The following EPC1 variants were observed in gnomAD, a reference collection of about 807,000 sequenced individuals.
EPC1 encodes the protein enhancer of polycomb 1, also known as enhancer of polycomb homolog 1.
EPC1 carries 12 observed loss-of-function variants against 98.4 expected under a neutral mutation model. The observed-to-expected ratio is 0.12, with a 90% CI of 0.08 to 0.20. The LOEUF is 0.20. Ranked by LOEUF, EPC1 falls within the 10% of genes least tolerant of loss-of-function variation. EPC1 has a pLI of 1.00. For synonymous variants in EPC1, 357 were observed against 363.9 expected, an observed-to-expected ratio of 0.98 and a Z score of 0.21; for missense variants, 729 against 990.5, an observed-to-expected ratio of 0.74 and a Z score of 3.54.
At chr10:32,368,783 T>G (rs1414788132) in intron 1 of EPC1, among the ~76,000 whole-genome samples, 1 of 152,202 alleles carries the variant, frequency 6.6e-6, no homozygotes, top group African/African-American at 2.4e-5. Context: ...ATCTCTGAAA[T>G]CAGGTTTGTC....
intron 6 of EPC1, among the ~76,000 whole-genome samples, chr10:32,289,300 C>T (rs1399888491): frequency 6.6e-6 from 1 of 151,490 alleles, no homozygotes; most frequent in African/African-American, 2.4e-5. Flanking sequence ...CCCTCCCACC[C>T]TCCCCTACGT....
At chr10:32,319,074 C>T (rs1378916922) in intron 1 of EPC1, among the ~76,000 whole-genome samples, 3 of 152,198 alleles carry the variant, frequency 2.0e-5, no homozygotes, top group Non-Finnish European at 4.4e-5. Context: ...TGTTCCCTGC[C>T]TCTAACTCCA....
intron 1 of EPC1, among the ~76,000 whole-genome samples, chr10:32,360,846 A>T (rs985107731): frequency 6.6e-6 from 1 of 151,630 alleles, no homozygotes; most frequent in African/African-American, 2.4e-5. Flanking sequence ...GTGAGCCGAG[A>T]TCGCGCCACT....
At chr10:32,334,962 T>C (rs1405579336) in intron 1 of EPC1, among the ~76,000 whole-genome samples, 1 of 152,180 alleles carries the variant, frequency 6.6e-6, no homozygotes, top group Non-Finnish European at 1.5e-5. Flanking sequence ...AAGGTCCATT[T>C]TCTGAGCCCT....
At chr10:32,325,908 A>AGT (rs1393476980) in intron 1 of EPC1, among the ~76,000 whole-genome samples, 2 of 152,194 alleles carry the variant, frequency 1.3e-5, no homozygotes, top group African/African-American at 2.4e-5. Flanking sequence ...TATCAACTAC[A>AGT]GTATGCCTTC....
chr10:32,345,083 A>AATAAAAAT, intron 1 of EPC1: 1 of 913,770 alleles, frequency 1.1e-6, no homozygotes, highest in Non-Finnish European at 1.3e-6. Flanking sequence ...AAAACTTAGA[A>AATAAAAAT]ATAAAAATAA....
intron 10 of EPC1, among the ~76,000 whole-genome samples, chr10:32,276,815 T>A (rs1424729535): frequency 6.6e-6 from 1 of 152,224 alleles, no homozygotes; most frequent in East Asian, 1.9e-4. Context: ...GATTGAGATA[T>A]CAAGGTAGAA....
At chr10:32,345,650 T>C (rs925999086) in intron 1 of EPC1, 1 of 985,208 alleles carries the variant, frequency 1.0e-6, no homozygotes, top group Non-Finnish European at 1.2e-6. Flanking sequence ...GAAGATTCTA[T>C]TATCCTGGTG....
rs182406707 is a variant in EPC1, at chr10:32,364,695, T to A, written c.3+13796A>T. ...GGGAATACATGAAATTTTTTAAATG[T>A]AAAAAGCCAAGAAAAGATAATTTAC... On this transcript the variant is annotated intron_variant, in intron 1 of 13. Coordinates refer to the EPC1 transcript ENST00000375110. 8.1e-3 allele frequency among the ~76,000 whole-genome samples: 1,229 copies of A among 152,288 alleles called. 14 individuals are homozygous for A. Among genetic ancestry groups the A allele is most frequent in the African/African-American group, 0.028 (1,177 of 41,566 alleles).
intron 2 of EPC1, among the ~76,000 whole-genome samples, chr10:32,299,391 G>A (rs1000801727): frequency 6.6e-6 from 1 of 152,036 alleles, no homozygotes; most frequent in African/African-American, 2.4e-5. Flanking sequence ...TTACCATGTT[G>A]GCCGGGCTGG....
Position 32,289,785 on chromosome 10 carries a change from G to A in EPC1, c.975+1378C>T, listed in dbSNP as rs138385407. Among the ~76,000 whole-genome samples, 555 of 151,930 alleles carry A rather than the reference G, an allele frequency of 3.7e-3. 5 individuals carry two copies. Among genetic ancestry groups the A allele is most frequent in the African/African-American group, 0.013 (526 of 41,410 alleles). On this transcript the variant is annotated intron_variant, in intron 6 of 13. Transcript: ENST00000319778. ...ACTACAGGCGCCCACCAGCACGCCC[G>A]GCTATTTTTTTTGTATTTTTAGTAG...
chr10:32,355,625 T>G (rs1169108613), intron 1 of EPC1, among the ~76,000 whole-genome samples: 1 of 105,318 alleles, frequency 9.5e-6, no homozygotes, highest in Non-Finnish European at 2.1e-5. Flanking sequence ...TTTTTTTTTT[T>G]TTTTTTTTTT....
intron 13 of EPC1, among the ~76,000 whole-genome samples, chr10:32,270,108 T>G (rs1034497353): frequency 2.0e-5 from 3 of 152,162 alleles, no homozygotes; most frequent in African/African-American, 7.2e-5. Flanking sequence ...CCAGAAATGC[T>G]TTTTCTTTCT....
At chr10:32,302,663 A>AAAT (rs1235331726) in intron 2 of EPC1, among the ~76,000 whole-genome samples, 2 of 151,182 alleles carry the variant, frequency 1.3e-5, no homozygotes, top group Admixed American at 1.3e-4. Flanking sequence ...AAAAAAAAAA[A>AAAT]AGGAGGGTGG....
intron 2 of EPC1, among the ~76,000 whole-genome samples, chr10:32,295,707 C>A (rs1265856420): frequency 6.6e-6 from 1 of 152,142 alleles, no homozygotes; most frequent in Non-Finnish European, 1.5e-5. Context: ...CCATGTGCGG[C>A]TAACTGAATT....
At position 32,305,756 on chromosome 10, in the gene EPC1, G is replaced by A. The variant is rs1345296343; in HGVS notation, c.313+16C>T. ...GAAATATAGAAAATACAATCATTAA[G>A]AGAATCATTACTTACGCTGTATGTG... On this transcript the variant is annotated intron_variant, in intron 2 of 13. Transcript: ENST00000319778. 2 of 1,564,280 alleles carry A rather than the reference G, an allele frequency of 1.3e-6. No individual in the cohort carries two copies. Among genetic ancestry groups the A allele is most frequent in the Non-Finnish European group, 1.7e-6 (2 of 1,160,206 alleles).
intron 13 of EPC1, 149 bp downstream of exon 13, chr10:32,271,405 G>GAATA (rs1835837213): frequency 1.1e-6 from 1 of 917,264 alleles, no homozygotes; most frequent in Non-Finnish European, 1.6e-6. Context: ...TTTAGTTCTT[G>GAATA]AATAAATAAG....
chr10:32,307,000 T>C (rs1400455710), intron 1 of EPC1, among the ~76,000 whole-genome samples: 1 of 152,198 alleles, frequency 6.6e-6, no homozygotes, highest in African/African-American at 2.4e-5. Context: ...TACAAATGTG[T>C]ACATATTTAA....
chr10:32,347,069 G>T lies in EPC1; in HGVS notation c.-154C>A, dbSNP rs1838889604. 5.5e-6 allele frequency: 8 copies of T among 1,455,192 alleles called. No individual in the cohort carries two copies. The South Asian group carries it at 1.1e-4, about 20-fold the overall frequency. The allele number at this position is 1,455,192 out of a possible 1,614,324, so 90.1% of individuals were successfully genotyped here. A position where few individuals can be genotyped will look rare whatever the true frequency, so the allele number is the denominator to read the frequency against. The stretch of plus-strand genomic sequence containing the variant: ...CCGTCCGGGCACTAACACCAGCCGG[G>T]AGGGTGGGAGGCTGTGCCGCTCCGC... On this transcript the variant is annotated 5_prime_UTR_variant, in exon 1 of 14. Coordinates refer to ENST00000319778, the MANE Select transcript of EPC1 (RefSeq NM_001272004.3).
Sources: gnomAD v4.1 joint callset for allele counts (sites outside exome capture counted in the v4.1 genomes callset) on GRCh38, gnomAD v4.1.1 for gene constraint, MANE v1.5 for transcripts, NCBI Gene and HGNC (gene_info 2026-07-23, HGNC 2026-07-21) for gene names.